Variants in POLI observed in about 807,000 individuals in gnomAD.
POLI encodes DNA polymerase iota.
Under a neutral mutation model 51.6 loss-of-function variants are expected in POLI, and 58 were observed. The ratio of observed to expected loss-of-function variants is 1.12; its 90% confidence interval spans 0.91 to 1.40. The LOEUF is 1.40. POLI is among the 40% of genes most tolerant of loss of function. The probability of loss-of-function intolerance (pLI) is 0.00; values close to 1 mark genes in which losing one functional copy is unlikely to be tolerated. For missense variants in POLI, 921 were observed against 871.3 expected, an observed-to-expected ratio of 1.06 and a Z score of -0.72; for synonymous variants, 322 against 299.7, an observed-to-expected ratio of 1.07 and a Z score of -0.77.
In POLI at chr18:54,280,839, A is replaced by C. The variant is rs768597244; in HGVS notation, c.732A>C (p.Thr244=). Residue 244 remains threonine (T), a synonymous_variant, in exon 5 of 10, where the codon ACA becomes ACC. Coordinates refer to ENST00000579534, the MANE Select transcript of POLI (RefSeq NM_007195.3). ...VSGVFKPNQQ[T]VLLPESCQHL... ...GTGTCTTTAAACCAAATCAACAAAC[A>C]GTCTTATTACCTGAAAGTTGTCAAC... is the stretch of plus-strand genomic sequence containing the variant. The C allele has an allele frequency of 1.9e-6, 3 of 1,613,658 alleles. No individual in the cohort carries two copies. The highest frequency in any genetic ancestry group is 2.5e-6 in the Non-Finnish European group (3 of 1,179,706).
downstream of POLI, among the ~76,000 whole-genome samples, chr18:54,301,185 AG>A (rs769176139): frequency 6.6e-6 from 1 of 152,316 alleles, no homozygotes; most frequent in East Asian, 1.9e-4. Flanking sequence ...AGGCTGACGC[AG>A]GAGAATCACT....
chr18:54,313,651 C>T (rs1782534924), intron 3 of POLI, among the ~76,000 whole-genome samples: 1 of 152,088 alleles, frequency 6.6e-6, no homozygotes. Context: ...TTGTAATTCT[C>T]ATTGTAGAGA....
At chr18:54,299,718 A>G (rs1467196385), downstream of POLI, among the ~76,000 whole-genome samples, 1 of 152,172 alleles carries the variant, frequency 6.6e-6, no homozygotes, top group East Asian at 1.9e-4. Flanking sequence ...GTGAAGAAAC[A>G]ATGGAGAAAT....
intron 3 of POLI, chr18:54,274,821 GTTTTTC>G (rs917997998): frequency 2.6e-5 from 4 of 151,462 alleles, no homozygotes; most frequent in Non-Finnish European, 4.4e-5. Context: ...TACTTTTTTT[GTTTTTC>G]TTTTATGATA....
At chr18:54,282,298 TTA>T (rs1332151040) in intron 5 of POLI, among the ~76,000 whole-genome samples, 1 of 152,312 alleles carries the variant, frequency 6.6e-6, no homozygotes, top group East Asian at 1.9e-4. Flanking sequence ...TGTATTCATT[TTA>T]TTTTACTGCA....
At chr18:54,292,763 T>G (rs2088089137) in intron 9 of POLI, among the ~76,000 whole-genome samples, 1 of 152,132 alleles carries the variant, frequency 6.6e-6, no homozygotes, top group Non-Finnish European at 1.5e-5. Flanking sequence ...CAGGATAGTG[T>G]ATGGAAATAG....
intron 3 of POLI, among the ~76,000 whole-genome samples, chr18:54,306,322 A>G (rs2088584986): frequency 1.3e-5 from 2 of 152,138 alleles, no homozygotes; most frequent in Admixed American, 6.5e-5. Context: ...TTCTGCATCT[A>G]TTGAGATAAT....
chr18:54,292,427 T>C (rs2088065636), intron 9 of POLI, among the ~76,000 whole-genome samples: 1 of 152,160 alleles, frequency 6.6e-6, no homozygotes, highest in Non-Finnish European at 1.5e-5. Context: ...ATGATTCTTT[T>C]GTTAAAGTAT....
chr18:54,309,483 C>T (rs1363200536), intron 3 of POLI, among the ~76,000 whole-genome samples: 1 of 152,172 alleles, frequency 6.6e-6, no homozygotes, highest in Non-Finnish European at 1.5e-5. Context: ...GGGCACCCGG[C>T]TGTATGAGGT....
intron 3 of POLI, among the ~76,000 whole-genome samples, chr18:54,275,642 G>A (rs2144472746): frequency 6.6e-6 from 1 of 152,248 alleles, no homozygotes; most frequent in East Asian, 1.9e-4. Flanking sequence ...AGATGAAGAA[G>A]AGTAAATCAT....
At chr18:54,278,281 G>A (rs1388063127) in intron 4 of POLI, among the ~76,000 whole-genome samples, 1 of 152,130 alleles carries the variant, frequency 6.6e-6, no homozygotes, top group Non-Finnish European at 1.5e-5. Flanking sequence ...AGGCAACAGA[G>A]CAAGATCCCA....
At chr18:54,283,078 T>A (rs1410182362) in intron 6 of POLI, 63 bp downstream of exon 6, 1 of 1,053,430 alleles carries the variant, frequency 9.5e-7, no homozygotes. Flanking sequence ...TAAAGATTTC[T>A]AGTTTTAGTA....
intron 3 of POLI, among the ~76,000 whole-genome samples, chr18:54,319,905 A>G (rs2088773648): frequency 6.6e-6 from 1 of 152,184 alleles, no homozygotes; most frequent in African/African-American, 2.4e-5. Flanking sequence ...TCTGATTTCA[A>G]GATTTTTATC....
intron 5 of POLI, among the ~76,000 whole-genome samples, chr18:54,282,458 A>C (rs1175833293): frequency 2.0e-5 from 3 of 152,202 alleles, no homozygotes; most frequent in Non-Finnish European, 4.4e-5. Context: ...TATTACCTGC[A>C]GTCAACTGTG....
chr18:54,292,156 A>G, intron 9 of POLI, 118 bp downstream of exon 9: 1 of 642,170 alleles, frequency 1.6e-6, no homozygotes, highest in Non-Finnish European at 2.7e-6. Flanking sequence ...TTTGGGTGAT[A>G]TTGTTTAGGT....
chr18:54,304,731 A>G (rs1191451060), intron 3 of POLI, among the ~76,000 whole-genome samples: 1 of 152,082 alleles, frequency 6.6e-6, no homozygotes, highest in African/African-American at 2.4e-5. Flanking sequence ...CTCTGCTGAT[A>G]GTTTCTTTTG....
downstream of POLI, among the ~76,000 whole-genome samples, chr18:54,302,309 A>G (rs554999713): frequency 2.4e-4 from 37 of 152,304 alleles, no homozygotes; most frequent in South Asian, 7.0e-3. Context: ...TGTTCTTAGT[A>G]TACTTCCTAG....
At chr18:54,269,898 T>A (rs1428806040) in intron 1 of POLI, 1 of 1,245,292 alleles carries the variant, frequency 8.0e-7, no homozygotes, top group African/African-American at 1.6e-5. Flanking sequence ...GTCGAGGGTT[T>A]ATCTGCGCCG....
intron 2 of POLI, among the ~76,000 whole-genome samples, chr18:54,271,817 A>G (rs1322535687): frequency 6.6e-6 from 1 of 152,236 alleles, no homozygotes; most frequent in East Asian, 1.9e-4. Flanking sequence ...TCTCAAAAAC[A>G]GCCTCTTATT....
Sources: gnomAD v4.1 joint callset for allele counts (sites outside exome capture counted in the v4.1 genomes callset) on GRCh38, gnomAD v4.1.1 for gene constraint, MANE v1.5 for transcripts, NCBI Gene and HGNC (gene_info 2026-07-23, HGNC 2026-07-21) for gene names.